ERP44: variants seen among roughly 807,000 people sequenced by gnomAD.
ERP44 encodes the protein endoplasmic reticulum resident protein 44.
In ERP44, 25 loss-of-function variants were observed where a neutral mutation model predicts 53.4. The observed-to-expected ratio is 0.47, with a 90% CI of 0.34 to 0.65. The LOEUF is 0.65. ERP44 is among the 30% of genes least tolerant of loss of function. ERP44 has a pLI of 0.01. For synonymous variants in ERP44, 145 were observed against 161.2 expected, an observed-to-expected ratio of 0.90 and a Z score of 0.76; for missense variants, 338 against 493.2, an observed-to-expected ratio of 0.69 and a Z score of 2.98.
At chr9:100,068,223 C>A (rs1826248573) in intron 1 of ERP44, among the ~76,000 whole-genome samples, 1 of 148,588 alleles carries the variant, frequency 6.7e-6, no homozygotes, top group Non-Finnish European at 1.5e-5. Flanking sequence ...CAGCCCTGCG[C>A]CCGGCCAGCC....
intron 8 of ERP44, among the ~76,000 whole-genome samples, chr9:100,010,591 G>A (rs918179702): frequency 1.3e-5 from 2 of 151,908 alleles, no homozygotes; most frequent in Non-Finnish European, 2.9e-5. Context: ...ACATACCTGA[G>A]GCCTACAGAA....
chr9:100,000,828 T>C (rs566050528), intron 10 of ERP44, among the ~76,000 whole-genome samples: 5 of 152,112 alleles, frequency 3.3e-5, no homozygotes, highest in Non-Finnish European at 7.4e-5. Flanking sequence ...CTCTTTTCTA[T>C]TGTTTTTCTA....
intron 8 of ERP44, 119 bp from the exon 9 acceptor site, chr9:100,007,808 G>T (rs1034732880): frequency 6.0e-6 from 4 of 665,520 alleles, no homozygotes; most frequent in African/African-American, 3.7e-5. Context: ...ATATCCCGGG[G>T]GAAAAAAAAG....
intron 2 of ERP44, among the ~76,000 whole-genome samples, chr9:100,058,113 T>C (rs1350438036): frequency 6.6e-6 from 1 of 152,152 alleles, no homozygotes; most frequent in Non-Finnish European, 1.5e-5. Context: ...TCTCACTCTA[T>C]TGCCCAGGCT....
At chr9:99,988,825 C>G (rs1174860411) in intron 10 of ERP44, among the ~76,000 whole-genome samples, 3 of 152,226 alleles carry the variant, frequency 2.0e-5, no homozygotes, top group Non-Finnish European at 4.4e-5. Flanking sequence ...GACATTCCCA[C>G]CCAAATACTG....
Position 99,994,655 on chromosome 9 carries a change from TA to T in ERP44, c.1017-9587del, listed in dbSNP as rs905236364. Among the ~76,000 whole-genome samples, 293 of 150,076 alleles carry T rather than the reference TA, an allele frequency of 2.0e-3. 1 individual carries two copies. The highest frequency in any genetic ancestry group is 6.8e-3 in the African/African-American group (278 of 41,008). ...ACCCTAGAACTTAAAAAAGTACAATTAAAAAAAAAATCTATTACCATACTTG... is the reference window on the plus strand; with the variant it reads ...ACCCTAGAACTTAAAAAAGTACAATTAAAAAAAAATCTATTACCATACTTG... On this transcript the variant is annotated intron_variant, in intron 10 of 11. Transcript: ENST00000262455.
chr9:100,052,631 C>T (rs560270699), intron 3 of ERP44, 99 bp from the exon 4 acceptor site: 7 of 538,416 alleles, frequency 1.3e-5, no homozygotes, highest in Middle Eastern at 3.0e-4. Flanking sequence ...GCATAATAAA[C>T]GACTCTGCGA....
intron 10 of ERP44, among the ~76,000 whole-genome samples, chr9:99,993,801 T>C (rs1830281297): frequency 6.6e-6 from 1 of 151,990 alleles, no homozygotes; most frequent in East Asian, 1.9e-4. Flanking sequence ...ACAAAGAACT[T>C]AAACAAATTT....
chr9:100,056,919 G>T (rs147601760), intron 3 of ERP44, among the ~76,000 whole-genome samples: 1 of 152,100 alleles, frequency 6.6e-6, no homozygotes, highest in Non-Finnish European at 1.5e-5. Flanking sequence ...AAAGGTAATG[G>T]AAACATTTTA....
intron 1 of ERP44, among the ~76,000 whole-genome samples, chr9:100,079,632 T>C (rs533214437): frequency 3.1e-4 from 47 of 152,176 alleles, no homozygotes; most frequent in Non-Finnish European, 5.6e-4. Context: ...TATCATGAGA[T>C]GTAAAAAGAG....
intron 10 of ERP44, among the ~76,000 whole-genome samples, chr9:100,002,882 T>A (rs771339750): frequency 9.2e-5 from 14 of 152,210 alleles, no homozygotes; most frequent in Non-Finnish European, 1.8e-4. Flanking sequence ...AAGCTTTTTT[T>A]ATTTTAAATA....
chr9:100,031,684 G>GT (rs201633473), intron 4 of ERP44, among the ~76,000 whole-genome samples: 214 of 151,170 alleles, frequency 1.4e-3, no homozygotes, highest in African/African-American at 3.9e-3. Context: ...TAAAAGAACT[G>GT]TTTTTTTTTA....
Position 100,056,895 on chromosome 9 carries a change from T to G in ERP44, c.170+925A>C, listed in dbSNP as rs145215150. ...GGCCTTCTGGGTCAAAGTAAAGGAT[T>G]TAAACTTTAACCCAAAGGTAATGGA... On this transcript the variant is annotated intron_variant, in intron 3 of 11. Transcript: ENST00000262455. 6.5e-4 allele frequency among the ~76,000 whole-genome samples: 99 copies of G among 152,256 alleles called. 3 individuals are homozygous for G. The East Asian group carries it at 0.017, about 26-fold the overall frequency.
chr9:100,098,542 G>C lies in ERP44; in HGVS notation c.57+242C>G, dbSNP rs532033832. On this transcript the variant is annotated intron_variant, in intron 1 of 11. Transcript: ENST00000262455. ...GGGGAGAAGGGGAAGCTCCTACGCC[G>C]TGACTACGTATCAGTCCCTCAGGGC... Among the ~76,000 whole-genome samples the C allele has an allele frequency of 2.0e-5, 3 of 152,312 alleles. No individual in the cohort carries two copies. The South Asian group carries it at 6.2e-4, about 32-fold the overall frequency.
chr9:100,004,831 G>GAA (rs976938532), intron 10 of ERP44, among the ~76,000 whole-genome samples: 4 of 152,158 alleles, frequency 2.6e-5, no homozygotes, highest in African/African-American at 9.7e-5. Flanking sequence ...GACGAACATG[G>GAA]AAAGTCCTTT....
At chr9:99,982,773 T>A in intron 11 of ERP44, 60 bp from the exon 12 acceptor site, 1 of 1,075,946 alleles carries the variant, frequency 9.3e-7, no homozygotes, top group Non-Finnish European at 1.3e-6. Context: ...TATAATATTT[T>A]AATAAGTGTA....
rs1830132286 is a variant in ERP44, at chr9:99,980,067, T to A, written c.*2545A>T. On this transcript the variant is annotated 3_prime_UTR_variant, in exon 12 of 12. Transcript: ENST00000262455. ...ATACCTTTGCTCAGATTATTCCCTC[T>A]CAGCCAGATCCCTACCTCCTGAGAA... The A allele has an allele frequency of 2.5e-6, 1 of 398,414 alleles. No homozygotes were observed. Among genetic ancestry groups the A allele is most frequent in the East Asian group, 3.6e-5 (1 of 28,090 alleles). 24.7% of individuals were successfully genotyped at this position (398,414 alleles called of 1,614,324 possible).
intron 4 of ERP44, 113 bp downstream of exon 4, chr9:100,052,303 TA>T (rs202031558): frequency 0.027 from 10,054 of 367,772 alleles, no homozygotes; most frequent in East Asian, 0.042. Context: ...GCAGAGCATT[TA>T]AAAAAAAAAA....
chr9:100,061,108 T>G (rs1173777699), intron 1 of ERP44, among the ~76,000 whole-genome samples: 1 of 152,214 alleles, frequency 6.6e-6, no homozygotes, highest in Non-Finnish European at 1.5e-5. Context: ...TATAAAGAGA[T>G]ACAATGATGC....
Sources: allele counts gnomAD v4.1 joint callset (sites outside exome capture counted in the v4.1 genomes callset), GRCh38; gene constraint gnomAD v4.1.1; transcripts MANE v1.5; gene names NCBI Gene and HGNC (gene_info 2026-07-23, HGNC 2026-07-21).